Variants in RANBP17 observed in about 807,000 individuals in gnomAD.
RANBP17 encodes ran-binding protein 17.
RANBP17 carries 158 observed loss-of-function variants against 141.2 expected under a neutral mutation model. That is an observed-to-expected ratio of 1.12 (90% CI 0.98 to 1.28). The LOEUF (loss-of-function observed/expected upper bound fraction) is 1.28, where lower values mean the gene tolerates loss of function less well. RANBP17 is among the 50% of genes most tolerant of loss of function. RANBP17 has a pLI of 0.00. For synonymous variants in RANBP17, 430 were observed against 450.0 expected, an observed-to-expected ratio of 0.96 and a Z score of 0.56; for missense variants, 1,438 against 1,290.7, an observed-to-expected ratio of 1.11 and a Z score of -1.75.
At chr5:171,208,577 G>A (rs1383047662) in intron 20 of RANBP17, among the ~76,000 whole-genome samples, 2 of 152,158 alleles carry the variant, frequency 1.3e-5, no homozygotes, top group South Asian at 2.1e-4. Context: ...TCTTTTAACT[G>A]TTAAAATCTG....
intron 22 of RANBP17, among the ~76,000 whole-genome samples, chr5:171,239,193 A>C (rs948800759): frequency 6.6e-6 from 1 of 152,160 alleles, no homozygotes; most frequent in Non-Finnish European, 1.5e-5. Flanking sequence ...AGCCTTCTAG[A>C]CAGTGGTTTT....
chr5:171,190,355 A>G (rs992296694), intron 18 of RANBP17, among the ~76,000 whole-genome samples: 19 of 152,328 alleles, frequency 1.2e-4, no homozygotes, highest in Non-Finnish European at 2.5e-4. Flanking sequence ...CAGTTGTACC[A>G]TTTTATCGGA....
chr5:171,062,758 C>A (rs1362278738), intron 14 of RANBP17, among the ~76,000 whole-genome samples: 1 of 152,210 alleles, frequency 6.6e-6, no homozygotes, highest in African/African-American at 2.4e-5. Context: ...AGAGTGTTTT[C>A]CAACTTGTTT....
chr5:171,058,101 C>A (rs561667245), intron 14 of RANBP17, among the ~76,000 whole-genome samples: 1 of 152,056 alleles, frequency 6.6e-6, no homozygotes, highest in East Asian at 1.9e-4. Flanking sequence ...TTTTCTGTAT[C>A]CATCAAAAAT....
At position 170,882,708 on chromosome 5, in the gene RANBP17, A is replaced by C. The variant is rs377098150; in HGVS notation, c.256+812A>C. On this transcript the variant is annotated intron_variant, in intron 3 of 27. Transcript: ENST00000523189. ...TATCAAAATCATTTGGGGTATATGT[A>C]AAATAAAAGCAGGTTCTTATTAGGA... is the stretch of plus-strand genomic sequence containing the variant. Among the ~76,000 whole-genome samples the C allele has an allele frequency of 4.1e-4, 63 of 152,360 alleles. 1 individual carries two copies. In the South Asian group the frequency reaches 0.013, roughly 31 times the overall value.
chr5:171,268,138 T>C lies in RANBP17; in HGVS notation c.2943+2291T>C, dbSNP rs371812379. 2.0e-5 allele frequency among the ~76,000 whole-genome samples: 3 copies of C among 152,178 alleles called. No homozygotes were observed. In the East Asian group the frequency reaches 5.8e-4, roughly 29 times the overall value. The stretch of plus-strand genomic sequence containing the variant: ...TATTATGTGTCAGGTGCAAGAGCTA[T>C]TAAGATTCACGAGATATAATTTCTC... On this transcript the variant is annotated intron_variant, in intron 25 of 27. Transcript: ENST00000523189.
chr5:171,007,232 A>G (rs1779702919), intron 14 of RANBP17, among the ~76,000 whole-genome samples: 1 of 152,174 alleles, frequency 6.6e-6, no homozygotes, highest in South Asian at 2.1e-4. Flanking sequence ...GATTTGGGAA[A>G]GGTCTGATAG....
At chr5:171,072,204 T>C (rs908163439) in intron 14 of RANBP17, among the ~76,000 whole-genome samples, 3 of 151,940 alleles carry the variant, frequency 2.0e-5, no homozygotes, top group African/African-American at 7.3e-5. Context: ...AAGAGAAATA[T>C]GAGCCAAGGG....
chr5:170,953,542 A>G lies in RANBP17; in HGVS notation c.1469-55A>G, dbSNP rs1263290737. 23 of 1,174,366 alleles carry G rather than the reference A, an allele frequency of 2.0e-5. No individual in the cohort carries two copies. The Admixed American group carries it at 4.7e-4, about 24-fold the overall frequency. 72.7% of individuals were successfully genotyped at this position (1,174,366 alleles called of 1,614,324 possible). On this transcript the variant is annotated intron_variant, in intron 12 of 27. Coordinates refer to ENST00000523189, the MANE Select transcript of RANBP17 (RefSeq NM_022897.5). Reference sequence around the variant, plus strand: ...CTGATTTTGGAATTTCCCCCAAGATAAGCTACGTTTCTATGAATACTTACT... The same window carrying G: ...CTGATTTTGGAATTTCCCCCAAGATGAGCTACGTTTCTATGAATACTTACT...
chr5:171,221,714 T>C, intron 21 of RANBP17, 44 bp from the exon 22 acceptor site: 1 of 1,108,142 alleles, frequency 9.0e-7, no homozygotes. Context: ...TGTGTTTGGT[T>C]TCTTTATCTT....
rs72051535 is a variant in RANBP17, at chr5:171,130,431, CT to C, written c.1711-39677del. On this transcript the variant is annotated intron_variant, in intron 14 of 27. Coordinates refer to ENST00000523189, the MANE Select transcript of RANBP17 (RefSeq NM_022897.5). ...GCTCAATCAGAATACTTTAAAAAGA[CT>C]TTTTTTTTTTTTTTTTTTTTTGAGA... Among the ~76,000 whole-genome samples the C allele has an allele frequency of 7.2e-3, 651 of 90,014 alleles. 1 individual carries two copies. Among genetic ancestry groups the C allele is most frequent in the African/African-American group, 0.026 (591 of 22,782 alleles). The allele number at this position is 90,014 out of a possible 152,430, so 59.1% of individuals were successfully genotyped here. A position where few individuals can be genotyped will look rare whatever the true frequency, so the allele number is the denominator to read the frequency against.
At chr5:171,056,683 G>T (rs1474631930) in intron 14 of RANBP17, among the ~76,000 whole-genome samples, 1 of 152,140 alleles carries the variant, frequency 6.6e-6, no homozygotes, top group Non-Finnish European at 1.5e-5. Context: ...ATATCTAAAA[G>T]ATGAATTAGG....
intron 14 of RANBP17, among the ~76,000 whole-genome samples, chr5:171,121,330 G>A (rs1373124952): frequency 6.6e-6 from 1 of 152,244 alleles, no homozygotes; most frequent in Non-Finnish European, 1.5e-5. Flanking sequence ...CTGTGGGGCT[G>A]CTATTCAGGC....
intron 14 of RANBP17, among the ~76,000 whole-genome samples, chr5:171,150,641 A>G (rs1287795840): frequency 1.3e-5 from 2 of 152,158 alleles, no homozygotes; most frequent in African/African-American, 4.8e-5. Context: ...TCCTCATTTT[A>G]TAGATGAAGA....
At chr5:170,966,815 C>A (rs866332740) in intron 13 of RANBP17, among the ~76,000 whole-genome samples, 16 of 152,140 alleles carry the variant, frequency 1.1e-4, no homozygotes, top group African/African-American at 3.9e-4. Context: ...AGCCCAAAAT[C>A]TCCTTAAGCT....
At chr5:171,113,884 T>C (rs1426874183) in intron 14 of RANBP17, among the ~76,000 whole-genome samples, 1 of 152,180 alleles carries the variant, frequency 6.6e-6, no homozygotes, top group Non-Finnish European at 1.5e-5. Context: ...AGAAGCTCTA[T>C]GTCATTATAT....
chr5:171,063,996 G>A (rs543461275), intron 14 of RANBP17, among the ~76,000 whole-genome samples: 2 of 152,360 alleles, frequency 1.3e-5, no homozygotes, highest in East Asian at 1.9e-4. Flanking sequence ...CTGGTGCACT[G>A]TTTGTTAAGC....
At chr5:170,984,025 C>CAA (rs1251648118) in intron 14 of RANBP17, among the ~76,000 whole-genome samples, 2 of 152,086 alleles carry the variant, frequency 1.3e-5, no homozygotes, top group African/African-American at 4.8e-5. Context: ...GTGAGCATTA[C>CAA]AGAGCCTAAC....
At chr5:171,065,868 T>C (rs1204087148) in intron 14 of RANBP17, among the ~76,000 whole-genome samples, 1 of 151,940 alleles carries the variant, frequency 6.6e-6, no homozygotes, top group African/African-American at 2.4e-5. Flanking sequence ...TGTTTATTTT[T>C]ATTATTTTTT....
Sources: gnomAD v4.1 joint callset for allele counts (sites outside exome capture counted in the v4.1 genomes callset) on GRCh38, gnomAD v4.1.1 for gene constraint, MANE v1.5 for transcripts, NCBI Gene and HGNC (gene_info 2026-07-23, HGNC 2026-07-21) for gene names.